Variants in CORO2B observed in about 807,000 individuals in gnomAD.
CORO2B encodes coronin 2B, also known as coronin-2B.
Under a neutral mutation model 58.8 loss-of-function variants are expected in CORO2B, and 26 were observed. The ratio of observed to expected loss-of-function variants is 0.44; its 90% CI spans 0.32 to 0.61. The LOEUF is 0.61. Among genes scored for constraint, CORO2B ranks in the 20% least tolerant of loss-of-function variants. CORO2B has a pLI of 0.04. For synonymous variants in CORO2B, 242 were observed against 253.8 expected (o/e 0.95, Z 0.44); for missense variants, 460 against 645.1 (o/e 0.71, Z 3.11).
At chr15:68,623,924 A>C (rs1366093663) in intron 1 of CORO2B, among the ~76,000 whole-genome samples, 1 of 152,154 alleles carries the variant, frequency 6.6e-6, no homozygotes, top group Non-Finnish European at 1.5e-5. Flanking sequence ...TGTGTTGGGA[A>C]GATGCCCTTT....
chr15:68,706,399 A>G (rs866170169), intron 3 of CORO2B, among the ~76,000 whole-genome samples: 12 of 151,910 alleles, frequency 7.9e-5, no homozygotes, highest in Non-Finnish European at 4.4e-5. Context: ...GTCTGCATGC[A>G]CCGCTTAGTG....
intron 1 of CORO2B, among the ~76,000 whole-genome samples, chr15:68,583,517 C>G (rs1899479980): frequency 3.3e-5 from 5 of 152,214 alleles, no homozygotes; most frequent in Admixed American, 3.3e-4. Context: ...CTGCATCGCC[C>G]CTTCCTGTCC....
intron 3 of CORO2B, among the ~76,000 whole-genome samples, chr15:68,709,214 A>G (rs1057161982): frequency 1.3e-5 from 2 of 152,164 alleles, no homozygotes; most frequent in African/African-American, 4.8e-5. Flanking sequence ...GTATAATATA[A>G]ACGTCTTTAT....
At chr15:68,575,364 G>T (rs1455282028), upstream of CORO2B, among the ~76,000 whole-genome samples, 2 of 148,492 alleles carry the variant, frequency 1.3e-5, no homozygotes, top group South Asian at 4.3e-4. Context: ...TTTCCTCTGA[G>T]ACTTCGTCTG....
intron 1 of CORO2B, chr15:68,632,473 C>T: frequency 1.0e-6 from 1 of 973,862 alleles, no homozygotes; most frequent in Non-Finnish European, 1.2e-6. Context: ...AATTCTGGCT[C>T]TTAAGATATT....
At chr15:68,686,670 G>A (rs987241551) in intron 2 of CORO2B, among the ~76,000 whole-genome samples, 5 of 152,184 alleles carry the variant, frequency 3.3e-5, no homozygotes, top group South Asian at 4.1e-4. Context: ...AGGTTGAGGC[G>A]GGTGGATCAC....
At chr15:68,589,509 A>G (rs1160125580) in intron 1 of CORO2B, among the ~76,000 whole-genome samples, 1 of 152,214 alleles carries the variant, frequency 6.6e-6, no homozygotes, top group Non-Finnish European at 1.5e-5. Context: ...GACTTTAAAG[A>G]TGTACAGTAG....
intron 1 of CORO2B, among the ~76,000 whole-genome samples, chr15:68,622,111 A>G (rs1249548330): frequency 6.6e-6 from 1 of 152,100 alleles, no homozygotes; most frequent in Non-Finnish European, 1.5e-5. Flanking sequence ...AATGGGGATA[A>G]TCTCTTTTGC....
rs1900142192 is a variant in CORO2B, at chr15:68,607,062, G to A, written c.15+27785G>A. Among the ~76,000 whole-genome samples the A allele has an allele frequency of 2.6e-5, 4 of 152,170 alleles. No homozygotes were observed. The South Asian group carries it at 8.3e-4, about 32-fold the overall frequency. ...TCCCTGGCTCACCAAGCTCGAGATA[G>A]ATATTGGGCTTTTGAAGTAGGTGGA... On this transcript the variant is annotated intron_variant, in intron 1 of 11. Coordinates refer to ENST00000261861, the MANE Select transcript of CORO2B (RefSeq NM_006091.5).
intron 1 of CORO2B, among the ~76,000 whole-genome samples, chr15:68,623,155 ACT>A (rs1247629496): frequency 6.6e-6 from 1 of 152,040 alleles, no homozygotes; most frequent in Non-Finnish European, 1.5e-5. Context: ...ACAAAGTGAG[ACT>A]CTGTCTCAAT....
At chr15:68,666,014 T>C (rs1176153340) in intron 2 of CORO2B, among the ~76,000 whole-genome samples, 1 of 152,178 alleles carries the variant, frequency 6.6e-6, no homozygotes, top group Non-Finnish European at 1.5e-5. Context: ...CATCAGGTAT[T>C]TACCTTTTAC....
intron 1 of CORO2B, among the ~76,000 whole-genome samples, chr15:68,633,137 A>G (rs887319400): frequency 3.3e-5 from 5 of 151,992 alleles, no homozygotes; most frequent in African/African-American, 1.2e-4. Context: ...AGTGTGGGTC[A>G]CTTCTATGGA....
chr15:68,714,121 A>C, intron 6 of CORO2B, 80 bp downstream of exon 6: 1 of 906,770 alleles, frequency 1.1e-6, no homozygotes, highest in Non-Finnish European at 1.8e-6. Flanking sequence ...GAAAGTCAGG[A>C]GCCTGGGCCC....
In CORO2B at chr15:68,588,564, A is replaced by G. The variant is rs73440301; in HGVS notation, c.15+9287A>G. Among the ~76,000 whole-genome samples the G allele has an allele frequency of 1.8e-3, 269 of 152,322 alleles. 1 individual carries two copies. Among genetic ancestry groups the G allele is most frequent in the African/African-American group, 6.2e-3 (259 of 41,578 alleles). On this transcript the variant is annotated intron_variant, in intron 1 of 11. Transcript: ENST00000261861. ...CACAGTCCTACCTGGGTCCCTGGGC[A>G]GAAAGACCAGGTTCCCACTGTCAAA...
intron 1 of CORO2B, among the ~76,000 whole-genome samples, chr15:68,587,392 T>G (rs1238644820): frequency 6.6e-6 from 1 of 152,108 alleles, no homozygotes; most frequent in African/African-American, 2.4e-5. Flanking sequence ...TCACCCTGGG[T>G]AGGTGCTCAT....
intron 2 of CORO2B, among the ~76,000 whole-genome samples, chr15:68,689,516 A>C (rs1331031929): frequency 6.6e-6 from 1 of 152,244 alleles, no homozygotes; most frequent in African/African-American, 2.4e-5. Flanking sequence ...TGTTTATATT[A>C]ATATGCTATT....
chr15:68,726,115 A>G lies in CORO2B; in HGVS notation c.*141A>G. ...GAGGACCCCCGCCTACCACCTCGAGAACTGGAAGCCAACCTCTAACCTCCT... is the reference window on the plus strand; with the variant it reads ...GAGGACCCCCGCCTACCACCTCGAGGACTGGAAGCCAACCTCTAACCTCCT... On this transcript the variant is annotated 3_prime_UTR_variant, in exon 12 of 12. Transcript: ENST00000261861. The G allele has an allele frequency of 9.0e-7, 1 of 1,110,172 alleles. No individual in the cohort carries two copies. Among genetic ancestry groups the G allele is most frequent in the Non-Finnish European group, 1.3e-6 (1 of 781,006 alleles). The allele number at this position is 1,110,172 out of a possible 1,614,324, so 68.8% of individuals were successfully genotyped here.
intron 1 of CORO2B, among the ~76,000 whole-genome samples, chr15:68,587,705 G>A (rs1262125666): frequency 1.3e-5 from 2 of 152,174 alleles, no homozygotes; most frequent in African/African-American, 4.8e-5. Flanking sequence ...TGTTTTATAT[G>A]TATTAATTCA....
At chr15:68,582,610 A>G (rs1182471157) in intron 1 of CORO2B, among the ~76,000 whole-genome samples, 1 of 152,210 alleles carries the variant, frequency 6.6e-6, no homozygotes, top group Non-Finnish European at 1.5e-5. Context: ...CTACATTGCT[A>G]TCAACTGGAA....
Sources: gnomAD v4.1 joint callset for allele counts (sites outside exome capture counted in the v4.1 genomes callset) on GRCh38, gnomAD v4.1.1 for gene constraint, MANE v1.5 for transcripts, NCBI Gene and HGNC (gene_info 2026-07-23, HGNC 2026-07-21) for gene names.